The following IQCE variants were observed in gnomAD, a reference collection of about 807,000 sequenced individuals.
IQCE encodes IQ motif containing E.
In IQCE, 115 loss-of-function variants were observed where a neutral mutation model predicts 96.0. That is an observed-to-expected ratio of 1.20 (90% confidence interval 1.03 to 1.40). The LOEUF (loss-of-function observed/expected upper bound fraction) is 1.40. Ranked by LOEUF, IQCE falls within the 40% of genes most tolerant of loss-of-function variation. The pLI, the probability that IQCE is intolerant of heterozygous loss-of-function variation, is 0.00. For synonymous variants in IQCE, 412 were observed against 371.2 expected, an observed-to-expected ratio of 1.11 and a Z score of -1.26; for missense variants, 1,041 against 909.1, an observed-to-expected ratio of 1.15 and a Z score of -1.87.
intron 2 of IQCE, among the ~76,000 whole-genome samples, chr7:2,568,033 C>A (rs1057066017): frequency 6.6e-6 from 1 of 152,164 alleles, no homozygotes; most frequent in Non-Finnish European, 1.5e-5. Flanking sequence ...CTTATCTGCT[C>A]GGTCTAGTGC....
At chr7:2,608,308 A>T (rs371951171) in intron 21 of IQCE, among the ~76,000 whole-genome samples, 5 of 152,314 alleles carry the variant, frequency 3.3e-5, no homozygotes, top group African/African-American at 1.2e-4. Context: ...TGAGGCCCGC[A>T]TCAGACCTGG....
At chr7:2,566,053 T>C (rs1781347764) in intron 1 of IQCE, among the ~76,000 whole-genome samples, 1 of 152,184 alleles carries the variant, frequency 6.6e-6, no homozygotes, top group African/African-American at 2.4e-5. Flanking sequence ...TAGCATCCCA[T>C]TATGATACTG....
intron 18 of IQCE, among the ~76,000 whole-genome samples, chr7:2,602,578 GC>G (rs1408446388): frequency 6.6e-6 from 1 of 152,192 alleles, no homozygotes; most frequent in African/African-American, 2.4e-5. Context: ...CTCAGCACCC[GC>G]TTGTCCTCAC....
At chr7:2,563,031 T>C (rs1392872379) in intron 1 of IQCE, among the ~76,000 whole-genome samples, 1 of 152,036 alleles carries the variant, frequency 6.6e-6, no homozygotes, top group East Asian at 1.9e-4. Flanking sequence ...GCTTGAGTGA[T>C]CCTCCTGCCT....
At chr7:2,564,806 G>A (rs1335780000) in intron 1 of IQCE, among the ~76,000 whole-genome samples, 1 of 152,092 alleles carries the variant, frequency 6.6e-6, no homozygotes, top group Admixed American at 6.6e-5. Flanking sequence ...ATGTCTGTTA[G>A]GTTTTTAGTG....
At chr7:2,585,384 A>T (rs565961973) in intron 11 of IQCE, among the ~76,000 whole-genome samples, 2 of 148,622 alleles carry the variant, frequency 1.3e-5, no homozygotes, top group South Asian at 4.1e-4. Context: ...CCTGGCTAAC[A>T]TGTGTCTCTG....
intron 3 of IQCE, among the ~76,000 whole-genome samples, chr7:2,570,061 A>G (rs892441466): frequency 9.9e-5 from 15 of 151,936 alleles, no homozygotes; most frequent in African/African-American, 3.6e-4. Flanking sequence ...TGTAGGGACC[A>G]TGTCTGTCCT....
intron 8 of IQCE, among the ~76,000 whole-genome samples, chr7:2,579,711 G>GTC (rs72409828): frequency 0.021 from 2,834 of 134,252 alleles, 98 homozygotes; most frequent in African/African-American, 0.074. Flanking sequence ...GTGTGTGTGT[G>GTC]TGTGTGTGTG....
At chr7:2,578,446 C>A (rs758727290) in intron 7 of IQCE, 30 bp from the exon 8 acceptor site, 3 of 1,613,998 alleles carry the variant, frequency 1.9e-6, no homozygotes, top group Non-Finnish European at 2.5e-6. Flanking sequence ...CACCGAAGGC[C>A]GTCTTCATGT....
intron 2 of IQCE, among the ~76,000 whole-genome samples, chr7:2,567,605 C>T (rs1009020164): frequency 1.3e-5 from 2 of 152,234 alleles, no homozygotes; most frequent in East Asian, 3.8e-4. Context: ...GTCCGATGGC[C>T]CAGTGGCACA....
At position 2,584,282 on chromosome 7, in the gene IQCE, A is replaced by G. The variant is rs1782928118; in HGVS notation, c.821A>G (p.Lys274Arg). ...TLLASSETTG[K>R]KPLGEKKTGA... ...TTGGCAAGTTCTGAAACCACCGGAA[A>G]GAAGTATGATGGCCGCTTGCAAGCT... Residue 274 changes from lysine to arginine, a missense_variant, in exon 11 of 22, where the codon AAG becomes AGG. Transcript: ENST00000402050. 1.9e-6 allele frequency: 3 copies of G among 1,613,912 alleles called. No individual in the cohort carries two copies. In the South Asian group the frequency reaches 3.3e-5, roughly 18 times the overall value.
chr7:2,569,146 C>T (rs754841774), intron 3 of IQCE, 147 bp downstream of exon 3: 180 of 709,940 alleles, frequency 2.5e-4, no homozygotes, highest in Non-Finnish European at 3.8e-4. Flanking sequence ...TCTCCCAGTT[C>T]GCGCTGGAGT....
intron 1 of IQCE, among the ~76,000 whole-genome samples, chr7:2,561,546 G>A (rs527655046): frequency 6.6e-6 from 1 of 150,608 alleles, no homozygotes; most frequent in South Asian, 2.1e-4. Flanking sequence ...TCAGCCTCCC[G>A]AGTAGCTGAG....
rs1266227692 is a variant in IQCE, at chr7:2,578,432, G to C, written c.580-44G>C. ...CATCTGCCAGCCAGCCCTGCTGGGGGCTACACCGAAGGCCGTCTTCATGTC... is the reference window on the plus strand; with the variant it reads ...CATCTGCCAGCCAGCCCTGCTGGGGCCTACACCGAAGGCCGTCTTCATGTC... On this transcript the variant is annotated intron_variant, in intron 7 of 21. Transcript: ENST00000402050. 4.2e-5 allele frequency: 67 copies of C among 1,588,754 alleles called. No individual in the cohort carries two copies. The South Asian group carries it at 7.2e-4, about 17-fold the overall frequency.
At chr7:2,592,891 G>A in intron 14 of IQCE, 131 bp from the exon 15 acceptor site, 1 of 969,592 alleles carries the variant, frequency 1.0e-6, no homozygotes, top group South Asian at 2.1e-5. Context: ...TGGGCCTTTT[G>A]TGCTCCTCCT....
At chr7:2,602,519 C>T (rs186730094) in intron 18 of IQCE, among the ~76,000 whole-genome samples, 19 of 152,318 alleles carry the variant, frequency 1.2e-4, no homozygotes, top group African/African-American at 3.8e-4. Flanking sequence ...CAGGGCTTCT[C>T]ACGCTGCCTT....
intron 10 of IQCE, 130 bp from the exon 11 acceptor site, chr7:2,584,106 A>T: frequency 1.2e-6 from 1 of 825,486 alleles, no homozygotes; most frequent in Admixed American, 1.8e-5. Flanking sequence ...CAACGGAAAG[A>T]TGAAGTGCGG....
intron 18 of IQCE, 57 bp downstream of exon 18, chr7:2,601,521 G>T: frequency 8.3e-7 from 1 of 1,199,264 alleles, no homozygotes; most frequent in African/African-American, 1.5e-5. Flanking sequence ...TTGAAAAGTA[G>T]GTGAGGGGAT....
rs1478295680 is a variant in IQCE, at chr7:2,577,823, C to CCT, written c.466-419_466-418insCT. On this transcript the variant is annotated intron_variant, in intron 6 of 21. Transcript: ENST00000402050. ...GTGTGCGTGGCTGTGCGCGCGGGGA[C>CCT]GTGTGTGCGGCGTGCGCGCATTGGC... Among the ~76,000 whole-genome samples, 100 of 136,596 alleles carry CCT rather than the reference C, an allele frequency of 7.3e-4. 20 individuals carry two copies. The highest frequency in any genetic ancestry group is 2.2e-3 in the East Asian group (10 of 4,446). 89.6% of individuals were successfully genotyped at this position (136,596 alleles called of 152,430 possible).
Sources: allele counts gnomAD v4.1 joint callset (sites outside exome capture counted in the v4.1 genomes callset), GRCh38; gene constraint gnomAD v4.1.1; transcripts MANE v1.5; gene names NCBI Gene and HGNC (gene_info 2026-07-23, HGNC 2026-07-21).